CABP4: variants seen among roughly 807,000 people sequenced by gnomAD.
CABP4 encodes the protein calcium-binding protein 4.
A neutral mutation model predicts 30.7 loss-of-function variants in CABP4; 30 were observed. The observed-to-expected ratio is 0.98, with a 90% confidence interval of 0.73 to 1.33. The LOEUF is 1.33. CABP4 is among the 40% of genes most tolerant of loss of function. The pLI is 0.00. For missense variants in CABP4, 424 were observed against 395.5 expected (o/e 1.07, Z -0.61); for synonymous variants, 161 against 159.2 (o/e 1.01, Z -0.08).
intron 4 of CABP4, 104 bp downstream of exon 4, chr11:67,457,786 C>A (rs960704648): frequency 1.1e-6 from 1 of 933,412 alleles, no homozygotes; most frequent in Non-Finnish European, 1.6e-6. Flanking sequence ...GCCCTGCAGG[C>A]GGTGGGACTG....
Position 67,455,484 on chromosome 11 carries a change from C to G in CABP4, c.61C>G (p.Pro21Ala). 6.2e-7 allele frequency: 1 copy of G among 1,609,630 alleles called. No homozygotes were observed. Among genetic ancestry groups the G allele is most frequent in the East Asian group, 2.2e-5 (1 of 44,814 alleles). ...AAATCTGGCCATTGGCCGTCAGAAG[C>G]CCCCTGCGGGGGTTGTGACTCCCAA... ...GPNLAIGRQK[P>A]PAGVVTPKSD... Residue 21 changes from proline (P) to alanine (A), a missense_variant, in exon 1 of 6, where the codon CCC becomes GCC. By Grantham distance (27) the Pro-to-Ala change is conservative. Transcript: ENST00000325656.
chr11:67,452,917 T>A (rs2135162854), upstream of CABP4: 5 of 540,992 alleles, frequency 9.2e-6, no homozygotes, highest in East Asian at 1.4e-4. Context: ...CATGGAGTCC[T>A]CATACAATCT....
intron 1 of CABP4, 46 bp downstream of exon 1, chr11:67,455,835 G>C: frequency 6.5e-7 from 1 of 1,543,718 alleles, no homozygotes; most frequent in Non-Finnish European, 8.7e-7. Context: ...GGGTGGGGCT[G>C]GAGACACACC....
rs1181502850 is a variant in CABP4, at chr11:67,456,269, C to G, written c.398-30C>G. On this transcript the variant is annotated intron_variant, in intron 2 of 5. Coordinates refer to ENST00000325656, the MANE Select transcript of CABP4 (RefSeq NM_145200.5). The stretch of plus-strand genomic sequence containing the variant: ...GGGTGGGAGCTGTCCCTGAGCCTGG[C>G]CACCTGGGCTTGACCTCCCTCCTCC... The G allele has an allele frequency of 1.9e-6, 3 of 1,613,610 alleles. 1 individual carries two copies. In the South Asian group the frequency reaches 3.3e-5, roughly 18 times the overall value.
rs1864816360 is a variant in CABP4, at chr11:67,456,611, A to C, written c.541+169A>C. On this transcript the variant is annotated intron_variant, in intron 3 of 5. Coordinates refer to ENST00000325656, the MANE Select transcript of CABP4 (RefSeq NM_145200.5). ...CAAGCTCCTGCCTCTCTGTGTGGGA[A>C]GGCAGGCCAGCAAGGCGGCCCGGAG... 2.0e-5 allele frequency among the ~76,000 whole-genome samples: 3 copies of C among 152,288 alleles called. No homozygotes were observed. The South Asian group carries it at 6.2e-4, about 32-fold the overall frequency.
intron 5 of CABP4, 30 bp downstream of exon 5, chr11:67,458,548 T>C: frequency 6.2e-7 from 1 of 1,614,114 alleles, no homozygotes; most frequent in Non-Finnish European, 8.5e-7. Flanking sequence ...AACCCTCCCG[T>C]GCTTCCAGGG....
Position 67,455,482 on chromosome 11 carries a change from A to G in CABP4, c.59A>G (p.Lys20Arg), listed in dbSNP as rs1864732777. The G allele has an allele frequency of 6.2e-7, 1 of 1,610,184 alleles. No individual in the cohort carries two copies. The highest frequency in any genetic ancestry group is 2.2e-5 in the East Asian group (1 of 44,812). Reference protein sequence around the residue: ...QGPNLAIGRQKPPAGVVTPKS... With the variant: ...QGPNLAIGRQRPPAGVVTPKS... The stretch of plus-strand genomic sequence containing the variant: ...CCAAATCTGGCCATTGGCCGTCAGA[A>G]GCCCCCTGCGGGGGTTGTGACTCCC... The change falls in exon 1 of 6, where the codon AAG becomes AGG. Residue 20 changes from lysine (K) to arginine (R), a missense_variant. Transcript: ENST00000325656.
At chr11:67,452,980 AGGTG>A, upstream of CABP4, 1 of 399,778 alleles carries the variant, frequency 2.5e-6, no homozygotes, top group Admixed American at 4.1e-5. Flanking sequence ...GTAGGAAGGG[AGGTG>A]CCAGGGCTCA....
At position 67,455,540 on chromosome 11, in the gene CABP4, G is replaced by A. The variant is rs753039780; in HGVS notation, c.117G>A (p.Arg39=). 2 of 1,603,566 alleles carry A rather than the reference G, an allele frequency of 1.2e-6. No individual in the cohort carries two copies. Among genetic ancestry groups the A allele is most frequent in the Non-Finnish European group, 1.7e-6 (2 of 1,176,262 alleles). The change falls in exon 1 of 6, where the codon AGG becomes AGA. Residue 39 remains arginine (R), a synonymous_variant. Transcript: ENST00000325656. ...KSDAEEPPLT[R]KRSKKERGLR... Reference sequence around the variant, plus strand: ...ATGCAGAGGAGCCCCCGTTGACCAGGAAGAGGAGCAAGAAGGAGAGGGGGC... The same window carrying A: ...ATGCAGAGGAGCCCCCGTTGACCAGAAAGAGGAGCAAGAAGGAGAGGGGGC...
Position 67,455,559 on chromosome 11 carries a change from A to C in CABP4, c.136A>C (p.Arg46=). Residue 46 remains arginine (R), a synonymous_variant, in exon 1 of 6, where the codon AGG becomes CGG. Transcript: ENST00000325656. ...GACCAGGAAGAGGAGCAAGAAGGAG[A>C]GGGGGCTCCGAGGGTCTCGAAAGCG... ...PLTRKRSKKE[R]GLRGSRKRTG... 1.9e-6 allele frequency: 3 copies of C among 1,602,506 alleles called. No homozygotes were observed. Among genetic ancestry groups the C allele is most frequent in the Non-Finnish European group, 2.6e-6 (3 of 1,175,882 alleles).
Position 67,456,321 on chromosome 11 carries a change from G to A in CABP4, c.420G>A (p.Glu140=), listed in dbSNP as rs1308016064. The change falls in exon 3 of 6, where the codon GAG becomes GAA. Residue 140 remains glutamate (E), a synonymous_variant. Transcript: ENST00000325656. ...CAGAGCTTCAGGCCGCCTTCGAGGA[G>A]TTTGACACTGACCGTGACGGCTACA... ...ELDELQAAFE[E]FDTDRDGYIS... 1 of 1,613,920 alleles carries A rather than the reference G, an allele frequency of 6.2e-7. No homozygotes were observed. The highest frequency in any genetic ancestry group is 1.1e-5 in the South Asian group (1 of 91,082).
At chr11:67,452,679 G>A, upstream of CABP4, 1 of 1,598,794 alleles carries the variant, frequency 6.3e-7, no homozygotes, top group Non-Finnish European at 8.5e-7. Flanking sequence ...TCTGTGCGGG[G>A]CCTGTGGCCA....
intron 3 of CABP4, 58 bp from the exon 4 acceptor site, chr11:67,457,515 C>G: frequency 6.9e-7 from 1 of 1,454,854 alleles, no homozygotes. Context: ...TGGGATGTCC[C>G]TCCTTGGGCT....
At position 67,455,549 on chromosome 11, in the gene CABP4, CAAG is replaced by C. The variant is rs768270658; in HGVS notation, c.130_132del (p.Lys44del). On this transcript the variant is annotated inframe_deletion, in exon 1 of 6. Coordinates refer to ENST00000325656, the MANE Select transcript of CABP4 (RefSeq NM_145200.5). ...AGCCCCCGTTGACCAGGAAGAGGAG[CAAG>C]AAGGAGAGGGGGCTCCGAGGGTCTC... 1.7e-5 allele frequency: 28 copies of C among 1,602,936 alleles called. No individual in the cohort carries two copies. The highest frequency in any genetic ancestry group is 2.1e-5 in the Non-Finnish European group (25 of 1,176,042).
rs1049194926 is a variant in CABP4 at position 67,455,423 on chromosome 11, C to G, written c.-1C>G. The G allele has an allele frequency of 7.5e-6, 12 of 1,607,440 alleles. No individual in the cohort carries two copies. Among genetic ancestry groups the G allele is most frequent in the Non-Finnish European group, 8.5e-6 (10 of 1,177,488 alleles). On this transcript the variant is annotated 5_prime_UTR_variant, in exon 1 of 6. Coordinates refer to ENST00000325656, the MANE Select transcript of CABP4 (RefSeq NM_145200.5). ...TCTCTGAGCCCTGTTATCCCTCCCCCATGACCACAGAGCAGGCAAGGGGGC... is the reference window on the plus strand; with the variant it reads ...TCTCTGAGCCCTGTTATCCCTCCCCGATGACCACAGAGCAGGCAAGGGGGC...
chr11:67,459,429 C>T lies in CABP4; in HGVS notation c.*770C>T, dbSNP rs1445758993. ...GTCTGGGGAGCAAGAAACAAACCCC[C>T]CGGATATATTCCAGGGTCTCCAAAG... is the stretch of plus-strand genomic sequence containing the variant. On this transcript the variant is annotated 3_prime_UTR_variant, in exon 6 of 6. Transcript: ENST00000325656. 6.6e-6 allele frequency: 1 copy of T among 152,662 alleles called. No individual in the cohort carries two copies. Among genetic ancestry groups the T allele is most frequent in the Non-Finnish European group, 1.5e-5 (1 of 68,478 alleles). 9.5% of individuals were successfully genotyped at this position (152,662 alleles called of 1,614,324 possible). A position where few individuals can be genotyped will look rare whatever the true frequency, so the allele number is the denominator to read the frequency against.
In CABP4 at chr11:67,456,218, G is replaced by A. The variant is rs763497383; in HGVS notation, c.397G>A (p.Glu133Lys). The A allele has an allele frequency of 8.1e-6, 13 of 1,613,444 alleles. No homozygotes were observed. The highest frequency in any genetic ancestry group is 3.3e-5 in the Admixed American group (2 of 60,006). Residue 133 changes from glutamate (E) to lysine (K), a missense_variant and splice_region_variant, in exon 2 of 6, where the codon GAG (glutamate) becomes AAG (lysine). Coordinates refer to ENST00000325656, the MANE Select transcript of CABP4 (RefSeq NM_145200.5). ...CGAACTGGGCCCCGAGGAGCTAGAC[G>A]GTGAGTGGCTCTTGCTGCTGGCAGG... ...DRELGPEELD[E>K]LQAAFEEFDT...
upstream of CABP4, chr11:67,455,332 C>G: frequency 6.7e-7 from 1 of 1,497,904 alleles, no homozygotes; most frequent in East Asian, 2.3e-5. Context: ...GCTCTCAGCT[C>G]TAAGAGTGGG....
chr11:67,454,797 A>G (rs1018746561), upstream of CABP4, among the ~76,000 whole-genome samples: 19 of 152,136 alleles, frequency 1.2e-4, no homozygotes, highest in African/African-American at 3.6e-4. Flanking sequence ...TAAGACCCCA[A>G]GGTCCACCTC....
Sources: gnomAD v4.1 joint callset for allele counts (sites outside exome capture counted in the v4.1 genomes callset) on GRCh38, gnomAD v4.1.1 for gene constraint, MANE v1.5 for transcripts, NCBI Gene and HGNC (gene_info 2026-07-23, HGNC 2026-07-21) for gene names.